KCNT1: variants seen among roughly 807,000 people sequenced by gnomAD.
KCNT1 encodes the protein potassium channel subfamily T member 1.
KCNT1 carries 78 observed loss-of-function variants against 147.8 expected under a neutral mutation model. That is an observed-to-expected ratio of 0.53 (90% confidence interval 0.44 to 0.64). The LOEUF (loss-of-function observed/expected upper bound fraction) is 0.64, where lower values mean the gene tolerates loss of function less well. KCNT1 is among the 30% of genes least tolerant of loss of function. The pLI, the probability that KCNT1 is intolerant of heterozygous loss-of-function variation, is 0.00. For synonymous variants in KCNT1, 867 were observed against 748.8 expected (o/e 1.16, Z -2.58); for missense variants, 1,419 against 1,750.3 (o/e 0.81, Z 3.38).
At position 135,751,450 on chromosome 9, in the gene KCNT1, C is replaced by T. The variant is rs1267689086; in HGVS notation, c.434+409C>T. Among the ~76,000 whole-genome samples the T allele has an allele frequency of 3.9e-5, 6 of 152,114 alleles. No individual in the cohort carries two copies. In the South Asian group the frequency reaches 1.0e-3, roughly 26 times the overall value. On this transcript the variant is annotated intron_variant, in intron 4 of 30. Coordinates refer to ENST00000371757, the MANE Select transcript of KCNT1 (RefSeq NM_020822.3). The stretch of plus-strand genomic sequence containing the variant: ...CTGTTTCTGGGGGTGTCTTCTACCC[C>T]TCCTGGGTCCCAAGGAGTCCCCTCC...
chr9:135,757,098 TG>T, intron 7 of KCNT1, 57 bp from the exon 8 acceptor site: 1 of 325,712 alleles, frequency 3.1e-6, no homozygotes, highest in Admixed American at 5.4e-5. Flanking sequence ...GCCCCTCCCC[TG>T]CTGGGCCCCA....
intron 2 of KCNT1, among the ~76,000 whole-genome samples, chr9:135,725,509 G>A (rs1836099098): frequency 1.3e-5 from 2 of 152,226 alleles, no homozygotes; most frequent in Admixed American, 6.5e-5. Flanking sequence ...CGGAGGACCC[G>A]CTACGCTTGC....
At chr9:135,708,799 G>T (rs958607708) in intron 1 of KCNT1, among the ~76,000 whole-genome samples, 1 of 152,170 alleles carries the variant, frequency 6.6e-6, no homozygotes, top group East Asian at 1.9e-4. Flanking sequence ...CCTACCTCGG[G>T]CTCCCAGAAT....
chr9:135,752,857 TGGAGG>T lies in KCNT1; in HGVS notation c.435-1078_435-1074del, dbSNP rs1404432981. On this transcript the variant is annotated intron_variant, in intron 4 of 30. Transcript: ENST00000371757. This position sits in a 1 kb window ranked among gnomAD's most constrained non-coding sequence, Gnocchi z 5.1. ...TTGGATGGAGGGATGAGTGAATGGG[TGGAGG>T]GATGAGTGGATGGATGGAGAGATGA... Among the ~76,000 whole-genome samples the T allele has an allele frequency of 7.2e-6, 1 of 138,612 alleles. No homozygotes were observed. The highest frequency in any genetic ancestry group is 2.8e-5 in the African/African-American group (1 of 35,834). 90.9% of individuals were successfully genotyped at this position (138,612 alleles called of 152,430 possible).
At chr9:135,763,233 G>C (rs1474064728) in intron 11 of KCNT1, among the ~76,000 whole-genome samples, 4 of 104,044 alleles carry the variant, frequency 3.8e-5, no homozygotes, top group African/African-American at 1.5e-4. Context: ...GCCGCTCCCT[G>C]CCTCCTCCGA....
chr9:135,771,059 G>T lies in KCNT1; in HGVS notation c.1972G>T (p.Ala658Ser), dbSNP rs760588512. 1.2e-6 allele frequency: 2 copies of T among 1,611,506 alleles called. No individual in the cohort carries two copies. The highest frequency in any genetic ancestry group is 1.7e-4 in the Middle Eastern group (1 of 6,050). The change falls in exon 18 of 31, where the codon GCC becomes TCC. Residue 658 changes from alanine to serine, a missense_variant. By Grantham distance (99) the Ala-to-Ser change is moderately conservative (BLOSUM62 1). This residue lies in a region of KCNT1 where 284 missense variants were observed against 292.8 expected (regional missense o/e 0.97). Coordinates refer to ENST00000371757, the MANE Select transcript of KCNT1 (RefSeq NM_020822.3). ...FSGQGLHEGPARLPVHSIIAS... is the reference protein window; with the variant it reads ...FSGQGLHEGPSRLPVHSIIAS... ...GGGGCAGGGGCTGCACGAGGGTCCGGCCCGCCTGCCCGTGCACAGCATCAT... is the reference window on the plus strand; with the variant it reads ...GGGGCAGGGGCTGCACGAGGGTCCGTCCCGCCTGCCCGTGCACAGCATCAT...
chr9:135,718,799 T>G (rs1835816153), intron 2 of KCNT1, among the ~76,000 whole-genome samples: 1 of 151,996 alleles, frequency 6.6e-6, no homozygotes, highest in African/African-American at 2.4e-5. Context: ...CCCCCGGGAG[T>G]AGAGCCTCTG....
intron 2 of KCNT1, among the ~76,000 whole-genome samples, chr9:135,738,399 G>A (rs1830424719): frequency 6.6e-6 from 1 of 152,214 alleles, no homozygotes; most frequent in Admixed American, 6.5e-5. Context: ...AGTAGGGCAG[G>A]CTCCTGAGCA....
At chr9:135,774,598 G>A (rs911655776) in intron 19 of KCNT1, among the ~76,000 whole-genome samples, 3 of 151,560 alleles carry the variant, frequency 2.0e-5, no homozygotes, top group African/African-American at 7.3e-5. Context: ...TGTGTGGTAC[G>A]TGTTGTGTGT....
At chr9:135,770,215 G>A (rs1181027984) in intron 16 of KCNT1, 83 bp from the exon 17 acceptor site, 17 of 1,496,854 alleles carry the variant, frequency 1.1e-5, no homozygotes, top group Non-Finnish European at 1.5e-5. Context: ...GGGAAGCAGA[G>A]GGGGGCACCT....
chr9:135,707,109 AC>A (rs1835287977), intron 1 of KCNT1, among the ~76,000 whole-genome samples: 1 of 141,254 alleles, frequency 7.1e-6, no homozygotes, highest in African/African-American at 2.7e-5. Flanking sequence ...ACATAGCAAG[AC>A]CCCTGTCTCT....
At chr9:135,748,651 C>T (rs938452749) in intron 2 of KCNT1, among the ~76,000 whole-genome samples, 3 of 152,242 alleles carry the variant, frequency 2.0e-5, no homozygotes, top group African/African-American at 7.2e-5. Context: ...TGCCCTGGGA[C>T]CTCTGCTTGA....
At chr9:135,744,160 G>T (rs968212634) in intron 2 of KCNT1, among the ~76,000 whole-genome samples, 1 of 152,268 alleles carries the variant, frequency 6.6e-6, no homozygotes, top group Non-Finnish European at 1.5e-5. Context: ...GAGCTGGTGT[G>T]GAGCTTCCCG....
intron 2 of KCNT1, among the ~76,000 whole-genome samples, chr9:135,727,416 T>C (rs1588273440): frequency 8.5e-6 from 1 of 118,034 alleles, no homozygotes; most frequent in African/African-American, 3.2e-5. Flanking sequence ...TCCCTCTCTT[T>C]TCCCTTCTCT....
rs978516023 is a variant in KCNT1 at position 135,730,893 on chromosome 9, G to A, written c.254+16173G>A. On this transcript the variant is annotated intron_variant, in intron 2 of 30. Transcript: ENST00000371757. The surrounding 1 kb of genome is among the most constrained non-coding windows in gnomAD (Gnocchi z 4.7). ...CCCAGCTACTTGGGAAGCTGAGGCA[G>A]GAGGATCACTTGAGCCCAGGAGGTC... Among the ~76,000 whole-genome samples the A allele has an allele frequency of 1.3e-5, 2 of 149,786 alleles. No individual in the cohort carries two copies. Among genetic ancestry groups the A allele is most frequent in the African/African-American group, 4.9e-5 (2 of 40,656 alleles).
In KCNT1 at chr9:135,785,989, C is replaced by T; in HGVS notation, c.3178-208C>T. 5.1e-6 allele frequency: 3 copies of T among 592,384 alleles called. No homozygotes were observed. The South Asian group carries it at 6.2e-5, about 12-fold the overall frequency. The allele number at this position is 592,384 out of a possible 1,614,324, so 36.7% of individuals were successfully genotyped here. A position where few individuals can be genotyped will look rare whatever the true frequency, so the allele number is the denominator to read the frequency against. On this transcript the variant is annotated intron_variant, in intron 28 of 30. Coordinates refer to ENST00000371757, the MANE Select transcript of KCNT1 (RefSeq NM_020822.3). ...GGTGGGTGGCCCGGCGATCTGTGCT[C>T]AGGAGGAAACCAGGCACATTCTTTC... is the stretch of plus-strand genomic sequence containing the variant.
chr9:135,717,692 A>G (rs972613323), intron 2 of KCNT1, among the ~76,000 whole-genome samples: 1 of 152,218 alleles, frequency 6.6e-6, no homozygotes, highest in African/African-American at 2.4e-5. Flanking sequence ...CCTCGACTGG[A>G]TGTAAGAGAG....
chr9:135,753,074 A>G (rs1831280858), intron 4 of KCNT1, among the ~76,000 whole-genome samples: 2 of 150,294 alleles, frequency 1.3e-5, no homozygotes, highest in South Asian at 4.3e-4. Context: ...AGAGGGATGG[A>G]TGGATGAGTG....
intron 20 of KCNT1, 45 bp downstream of exon 20, chr9:135,775,460 C>T (rs757022454): frequency 3.2e-5 from 47 of 1,466,676 alleles, no homozygotes; most frequent in Non-Finnish European, 4.1e-5. Flanking sequence ...CAGACGCCAG[C>T]ACCGGGCCGT....
Sources: allele counts gnomAD v4.1 joint callset (sites outside exome capture counted in the v4.1 genomes callset), GRCh38; gene constraint gnomAD v4.1.1; regional missense constraint gnomAD v4.1.1; non-coding constraint Gnocchi (gnomAD v3.1); transcripts MANE v1.5; gene names NCBI Gene and HGNC (gene_info 2026-07-23, HGNC 2026-07-21).